H2BC18: variants seen among roughly 807,000 people sequenced by gnomAD.
H2BC18 encodes histone H2B type 2-F.
Under a neutral mutation model 6.3 loss-of-function variants are expected in H2BC18, and 8 were observed. That is an observed-to-expected ratio of 1.28 (90% CI 0.75 to 2.31). H2BC18 has a LOEUF of 2.31. H2BC18 is among the 30% of genes most tolerant of loss of function. H2BC18 has a pLI of 0.00. For synonymous variants in H2BC18, 104 were observed against 78.1 expected (o/e 1.33, Z -1.75); for missense variants, 106 against 174.5 (o/e 0.61, Z 2.21).
intron 1 of H2BC18, among the ~76,000 whole-genome samples, chr1:149,805,037 T>C (rs1277379042): frequency 6.6e-6 from 1 of 152,252 alleles, no homozygotes; most frequent in African/African-American, 2.4e-5. Flanking sequence ...CAGCATGATA[T>C]GTGATCATGT....
At chr1:149,790,595 CCTT>C (rs201539224) in intron 1 of H2BC18, among the ~76,000 whole-genome samples, 1,771 of 150,906 alleles carry the variant, frequency 0.012, 30 homozygotes, top group African/African-American at 0.04. Context: ...TCTCCTCTGT[CCTT>C]CTTTTTTTCT....
intron 1 of H2BC18, among the ~76,000 whole-genome samples, chr1:149,806,205 T>C (rs2091915357): frequency 1.3e-5 from 2 of 151,922 alleles, no homozygotes; most frequent in South Asian, 4.1e-4. Flanking sequence ...AGTTAGAGTA[T>C]ACAAGGAAAG....
chr1:149,809,716 C>T (rs782432138), downstream of H2BC18, among the ~76,000 whole-genome samples: 9 of 145,898 alleles, frequency 6.2e-5, 2 homozygotes, highest in Non-Finnish European at 1.3e-4. Flanking sequence ...CACAATTATT[C>T]GTTATGCAAG....
intron 1 of H2BC18, among the ~76,000 whole-genome samples, chr1:149,790,657 C>A (rs1157746340): frequency 1.3e-5 from 2 of 149,732 alleles, no homozygotes; most frequent in African/African-American, 2.4e-5. Context: ...CACTCCATGA[C>A]CCCCCCTTCT....
downstream of H2BC18, chr1:149,811,731 G>A (rs1392136330): frequency 2.5e-5 from 17 of 675,770 alleles, no homozygotes; most frequent in Non-Finnish European, 4.3e-5. Flanking sequence ...AAGACTGGAC[G>A]GGGATGACTG....
At chr1:149,785,390 A>G (rs2091513925) in intron 1 of H2BC18, among the ~76,000 whole-genome samples, 1 of 141,988 alleles carries the variant, frequency 7.0e-6, no homozygotes, top group Admixed American at 7.1e-5. Flanking sequence ...AGGTTAGGGA[A>G]GCTGACAGAG....
At chr1:149,786,612 C>T (rs1279865148) in intron 1 of H2BC18, 1 of 151,894 alleles carries the variant, frequency 6.6e-6, no homozygotes, top group Non-Finnish European at 1.5e-5. Flanking sequence ...GGACCCGAGC[C>T]CTAATCATAT....
chr1:149,786,012 C>T (rs1439931823), intron 1 of H2BC18: 5 of 151,814 alleles, frequency 3.3e-5, no homozygotes, highest in Admixed American at 1.3e-4. Context: ...TCATATTTTC[C>T]CATTCTGCTG....
intron 1 of H2BC18, among the ~76,000 whole-genome samples, chr1:149,800,415 C>T (rs2091854671): frequency 6.7e-6 from 1 of 149,692 alleles, no homozygotes; most frequent in East Asian, 2.0e-4. Context: ...TGGAGGTGGG[C>T]TGAAAGTCCC....
intron 1 of H2BC18, chr1:149,793,205 C>T (rs2091756882): frequency 1.6e-6 from 2 of 1,277,184 alleles, no homozygotes; most frequent in African/African-American, 1.6e-5. Context: ...AGCAGGCGCC[C>T]CATTTTCTTG....
At chr1:149,800,284 C>G (rs1553753178) in intron 1 of H2BC18, among the ~76,000 whole-genome samples, 1 of 152,222 alleles carries the variant, frequency 6.6e-6, no homozygotes, top group East Asian at 1.9e-4. Context: ...TATCCAGAAG[C>G]TCTCCAAGCC....
At chr1:149,794,025 T>A (rs2091770722) in intron 1 of H2BC18, 1 of 699,588 alleles carries the variant, frequency 1.4e-6, no homozygotes, top group Admixed American at 2.3e-5. Flanking sequence ...AGCTGACAGC[T>A]GGCTGGGAGG....
rs144565259 is a variant in H2BC18 at position 149,784,623 on chromosome 1, T to C, written c.378-1363A>G. ...CCAAAACCTAGATCTGCAGTCACCTTCCACAGAAACAAAACTGCTAATATA... is the reference window on the plus strand; with the variant it reads ...CCAAAACCTAGATCTGCAGTCACCTCCCACAGAAACAAAACTGCTAATATA... On this transcript the variant is annotated intron_variant, in intron 1 of 1. Transcript: ENST00000545683. 8.0e-3 allele frequency among the ~76,000 whole-genome samples: 1,203 copies of C among 150,974 alleles called. 9 individuals carry two copies. Among genetic ancestry groups the C allele is most frequent in the African/African-American group, 0.024 (977 of 41,236 alleles).
intron 1 of H2BC18, among the ~76,000 whole-genome samples, chr1:149,805,734 T>G (rs184511653): frequency 6.6e-6 from 1 of 152,186 alleles, no homozygotes; most frequent in East Asian, 1.9e-4. Context: ...TAGTTCTACA[T>G]AATAGGGATA....
chr1:149,790,296 A>C, intron 1 of H2BC18: 2 of 1,586,792 alleles, frequency 1.3e-6, no homozygotes, highest in Non-Finnish European at 1.7e-6. Context: ...AGAGGATGGA[A>C]ATGTCCTTAA....
intron 1 of H2BC18, among the ~76,000 whole-genome samples, chr1:149,802,698 T>C (rs1167863117): frequency 6.6e-6 from 1 of 151,920 alleles, no homozygotes; most frequent in Non-Finnish European, 1.5e-5. Context: ...GCCTCAAGAG[T>C]AGGGAAGCCC....
chr1:149,793,212 C>G, intron 1 of H2BC18: 1 of 1,274,068 alleles, frequency 7.8e-7, no homozygotes, highest in Non-Finnish European at 1.0e-6. Context: ...GCCCCATTTT[C>G]TTGGCTTGTC....
chr1:149,809,896 G>C (rs1454487495), downstream of H2BC18, among the ~76,000 whole-genome samples: 2 of 150,550 alleles, frequency 1.3e-5, no homozygotes, highest in Admixed American at 1.3e-4. Flanking sequence ...AAGCACAGAA[G>C]ACAAAGTTAA....
Position 149,788,436 on chromosome 1 carries a change from G to A in H2BC18, c.378-5176C>T, listed in dbSNP as rs138510822. The A allele has an allele frequency of 1.3e-3, 2,034 of 1,613,762 alleles. 19 individuals are homozygous for A. In the African/African-American group the frequency reaches 0.023, roughly 18 times the overall value. On this transcript the variant is annotated intron_variant, in intron 1 of 1. Coordinates refer to the H2BC18 transcript ENST00000545683. ...AACCTCTGGCCTTGAGGTGTCATGCGTGGAAGGATAAGCTGGTGTACAATG... is the reference window on the plus strand; with the variant it reads ...AACCTCTGGCCTTGAGGTGTCATGCATGGAAGGATAAGCTGGTGTACAATG...
Sources: gnomAD v4.1 joint callset for allele counts (sites outside exome capture counted in the v4.1 genomes callset) on GRCh38, gnomAD v4.1.1 for gene constraint, MANE v1.5 for transcripts, NCBI Gene and HGNC (gene_info 2026-07-23, HGNC 2026-07-21) for gene names.